The following GLB1 variants were observed in gnomAD, a reference collection of about 807,000 sequenced individuals.
GLB1 encodes the protein galactosidase beta 1.
A neutral mutation model predicts 74.0 loss-of-function variants in GLB1; 56 were observed. That is an observed-to-expected ratio of 0.76 (90% CI 0.61 to 0.94). GLB1 has a LOEUF of 0.94. GLB1 is among the 40% of genes least tolerant of loss of function. GLB1 has a pLI of 0.00. For synonymous variants in GLB1, 323 were observed against 323.6 expected, an observed-to-expected ratio of 1.00 and a Z score of 0.02; for missense variants, 787 against 845.5, an observed-to-expected ratio of 0.93 and a Z score of 0.86.
At chr3:33,091,957 CA>C (rs1353878718) in intron 1 of GLB1, 92 of 984,750 alleles carry the variant, frequency 9.3e-5, no homozygotes, top group Non-Finnish European at 1.1e-4. Context: ...TTTCTAGCCC[CA>C]AATCTCCTAC....
At chr3:33,023,554 GTTC>G (rs564590444) in intron 11 of GLB1, among the ~76,000 whole-genome samples, 1 of 151,420 alleles carries the variant, frequency 6.6e-6, no homozygotes, top group African/African-American at 2.4e-5. Flanking sequence ...ATAGGTAACG[GTTC>G]TTTTTTTTTT....
intron 9 of GLB1, among the ~76,000 whole-genome samples, chr3:33,049,343 A>T (rs1698879945): frequency 7.4e-6 from 1 of 134,958 alleles, no homozygotes; most frequent in South Asian, 2.3e-4. Flanking sequence ...TATGTGCAGG[A>T]CGTGTAGGTT....
chr3:33,006,445 A>C (rs1696794289), intron 15 of GLB1, among the ~76,000 whole-genome samples: 1 of 151,040 alleles, frequency 6.6e-6, no homozygotes. Context: ...CACACAGTCC[A>C]TGGAAACAGT....
At chr3:32,988,221 T>TTTTAAGGTGCAAAGACCAAGG in the GLB1 span, among the ~76,000 whole-genome samples, 1 of 148,386 alleles carries the variant, frequency 6.7e-6, no homozygotes, top group Non-Finnish European at 1.5e-5. Context: ...TCTTAGAGAC[T>TTTTAAGGTGCAAAGACCAAGG]TTTAAGGTGC....
At position 33,087,865 on chromosome 3, in the gene GLB1, T is replaced by C. The variant is rs1200337801; in HGVS notation, c.75+9146A>G. The stretch of plus-strand genomic sequence containing the variant: ...ATTGATGCAAAAATCCTCAACAAAA[T>C]ACTAGCAAACTGAATTCAACAGTAC... On this transcript the variant is annotated intron_variant, in intron 1 of 15. Transcript: ENST00000307363. Among the ~76,000 whole-genome samples, 32 of 116,362 alleles carry C rather than the reference T, an allele frequency of 2.8e-4. No individual in the cohort carries two copies. In the Admixed American group the frequency reaches 3.0e-3, roughly 11 times the overall value. The allele number at this position is 116,362 out of a possible 152,430, so 76.3% of individuals were successfully genotyped here. A position where few individuals can be genotyped will look rare whatever the true frequency, so the allele number is the denominator to read the frequency against.
chr3:33,061,149 G>A (rs138243313), intron 5 of GLB1, among the ~76,000 whole-genome samples: 1,728 of 152,242 alleles, frequency 0.011, 54 homozygotes, highest in Admixed American at 0.068. Context: ...GGTGGCTCAC[G>A]CCTGTAATCC....
intron 3 of GLB1, 90 bp from the exon 4 acceptor site, chr3:33,068,380 A>G (rs538569143): frequency 6.4e-7 from 1 of 1,554,360 alleles, no homozygotes; most frequent in African/African-American, 1.4e-5. Flanking sequence ...TATGGAAAAG[A>G]ATAAAAGCTT....
intron 4 of GLB1, among the ~76,000 whole-genome samples, chr3:33,065,968 CAAAAAA>C (rs35555652): frequency 8.1e-6 from 1 of 123,864 alleles, no homozygotes; most frequent in Non-Finnish European, 1.6e-5. Context: ...AACTCTGTCT[CAAAAAA>C]AAAAAAAAAA....
Position 33,065,555 on chromosome 3 carries a change from A to G in GLB1, c.460T>C (p.Tyr154His). The change falls in exon 5 of 16, where the codon TAC (tyrosine) becomes CAC (histidine). Residue 154 changes from tyrosine to histidine, a missense_variant and splice_region_variant. Transcript: ENST00000307363. ...SILLRSSDPDYLAAVDKWLGV... is the reference protein window; with the variant it reads ...SILLRSSDPDHLAAVDKWLGV... ...AACCACTTGTCCACAGCTGCCAGGTAATCTGGAAAACAAGAAAAGTTTAAC... is the reference window on the plus strand; with the variant it reads ...AACCACTTGTCCACAGCTGCCAGGTGATCTGGAAAACAAGAAAAGTTTAAC... 1 of 1,570,756 alleles carries G rather than the reference A, an allele frequency of 6.4e-7. No individual in the cohort carries two copies. The highest frequency in any genetic ancestry group is 8.7e-7 in the Non-Finnish European group (1 of 1,154,962).
intron 1 of GLB1, among the ~76,000 whole-genome samples, chr3:33,081,879 A>G (rs1700335701): frequency 6.6e-6 from 1 of 152,226 alleles, no homozygotes; most frequent in African/African-American, 2.4e-5. Flanking sequence ...CTTGTGAGCA[A>G]AAGGCTGATG....
chr3:33,064,827 C>A (rs114502420), intron 5 of GLB1, among the ~76,000 whole-genome samples: 28 of 146,970 alleles, frequency 1.9e-4, no homozygotes, highest in African/African-American at 6.7e-4. Context: ...TGGTCAATGT[C>A]CAATGAACAT....
intron 10 of GLB1, among the ~76,000 whole-genome samples, chr3:33,035,507 C>T (rs1207096142): frequency 1.3e-5 from 2 of 152,054 alleles, no homozygotes; most frequent in African/African-American, 4.8e-5. Context: ...CCTCCCAAAA[C>T]TCATATGTTG....
intron 10 of GLB1, 135 bp downstream of exon 10, chr3:33,045,985 G>T: frequency 8.2e-7 from 1 of 1,213,474 alleles, no homozygotes; most frequent in Non-Finnish European, 1.2e-6. Flanking sequence ...GCAAACCCAA[G>T]TCTAGCTGAT....
Sources: gnomAD v4.1 joint callset for allele counts (sites outside exome capture counted in the v4.1 genomes callset) on GRCh38, gnomAD v4.1.1 for gene constraint, MANE v1.5 for transcripts, NCBI Gene and HGNC (gene_info 2026-07-23, HGNC 2026-07-21) for gene names.